The following CNTNAP5 variants were observed in gnomAD, a reference collection of about 807,000 sequenced individuals.
CNTNAP5 encodes the protein contactin associated protein family member 5.
Under a neutral mutation model 150.2 loss-of-function variants are expected in CNTNAP5, and 72 were observed. The observed-to-expected ratio is 0.48, with a 90% CI of 0.40 to 0.58. The LOEUF is 0.58. Ranked by LOEUF, CNTNAP5 falls within the 20% of genes least tolerant of loss-of-function variation. CNTNAP5 has a pLI of 0.00. For missense variants in CNTNAP5, 1,636 were observed against 1,626.2 expected (o/e 1.01, Z -0.10); for synonymous variants, 672 against 619.8 (o/e 1.08, Z -1.25).
chr2:124,416,771 C>A (rs935081199), intron 3 of CNTNAP5, among the ~76,000 whole-genome samples: 6 of 151,924 alleles, frequency 3.9e-5, no homozygotes, highest in Non-Finnish European at 8.8e-5. Flanking sequence ...TCAATAAAAT[C>A]CTTTCCTTCT....
At chr2:124,149,403 CAAAA>C (rs71394025) in intron 1 of CNTNAP5, among the ~76,000 whole-genome samples, 9,604 of 82,786 alleles carry the variant, frequency 0.12, 345 homozygotes, top group East Asian at 0.35. Context: ...GCGTCAATTG[CAAAA>C]AAAAAAAAAA....
intron 3 of CNTNAP5, among the ~76,000 whole-genome samples, chr2:124,248,240 G>A (rs1183052515): frequency 6.6e-6 from 1 of 152,154 alleles, no homozygotes; most frequent in Non-Finnish European, 1.5e-5. Flanking sequence ...CCAGGGCAGG[G>A]ATATATCTAG....
chr2:124,088,754 T>C (rs988880372), intron 1 of CNTNAP5, among the ~76,000 whole-genome samples: 5 of 152,170 alleles, frequency 3.3e-5, no homozygotes, highest in African/African-American at 1.2e-4. Flanking sequence ...GCCCTGGAAC[T>C]GTCTGTAGGG....
chr2:124,738,761 G>A (rs1167519995), intron 13 of CNTNAP5, among the ~76,000 whole-genome samples: 20 of 151,096 alleles, frequency 1.3e-4, no homozygotes, highest in Non-Finnish European at 1.0e-4. Context: ...AAAGAAAAAA[G>A]AAAGTATCAA....
At chr2:124,319,918 T>A (rs1178470076) in intron 3 of CNTNAP5, among the ~76,000 whole-genome samples, 2 of 152,240 alleles carry the variant, frequency 1.3e-5, no homozygotes, top group Non-Finnish European at 2.9e-5. Flanking sequence ...TTAAAAGGCA[T>A]GCATAGAATT....
At chr2:124,866,192 G>A (rs541989798) in intron 20 of CNTNAP5, among the ~76,000 whole-genome samples, 29 of 150,288 alleles carry the variant, frequency 1.9e-4, no homozygotes, top group East Asian at 1.0e-3. Context: ...ACTGGGAGGC[G>A]GAGGTTGCAG....
intron 3 of CNTNAP5, among the ~76,000 whole-genome samples, chr2:124,319,750 G>A (rs1371755413): frequency 6.6e-6 from 1 of 152,042 alleles, no homozygotes; most frequent in African/African-American, 2.4e-5. Flanking sequence ...GATGCCAGTA[G>A]CACCTTTCCC....
In CNTNAP5 at chr2:124,025,476, C is replaced by T; in HGVS notation, c.-175C>T. 2 of 617,500 alleles carry T rather than the reference C, an allele frequency of 3.2e-6. No homozygotes were observed. Among genetic ancestry groups the T allele is most frequent in the Non-Finnish European group, 5.8e-6 (2 of 343,484 alleles). 38.3% of individuals were successfully genotyped at this position (617,500 alleles called of 1,614,324 possible). On this transcript the variant is annotated 5_prime_UTR_variant, in exon 1 of 24. Transcript: ENST00000682447. Reference sequence around the variant, plus strand: ...CCCAGCTGCAGCTCCGAAGAATCCCCCGCCACGGTTTCGGTGGAGCGTCTG... The same window carrying T: ...CCCAGCTGCAGCTCCGAAGAATCCCTCGCCACGGTTTCGGTGGAGCGTCTG...
At position 124,097,746 on chromosome 2, in the gene CNTNAP5, C is replaced by T. The variant is rs555565853; in HGVS notation, c.82+72014C>T. On this transcript the variant is annotated intron_variant, in intron 1 of 23. Transcript: ENST00000682447. ...AAATTCACACATAAATTTTGACTTC[C>T]GGCCAGGCGCAGTGGCTCACGCCTG... Among the ~76,000 whole-genome samples, 326 of 152,124 alleles carry T rather than the reference C, an allele frequency of 2.1e-3. 1 individual carries two copies. The highest frequency in any genetic ancestry group is 2.4e-3 in the Admixed American group (36 of 15,292).
At chr2:124,334,383 G>GT (rs1336770220) in intron 3 of CNTNAP5, among the ~76,000 whole-genome samples, 1 of 152,072 alleles carries the variant, frequency 6.6e-6, no homozygotes, top group African/African-American at 2.4e-5. Flanking sequence ...CAGCTTGGGA[G>GT]TTTTTCAGAA....
Position 124,465,407 on chromosome 2 carries a change from A to G in CNTNAP5, c.919-9332A>G, listed in dbSNP as rs895326990. On this transcript the variant is annotated intron_variant, in intron 6 of 23. Coordinates refer to ENST00000682447, the MANE Select transcript of CNTNAP5 (RefSeq NM_001367498.1). ...ACACCATTCAATGACCACTAAGATC[A>G]ATGAAAGGCACTCATTCAATATGCC... Among the ~76,000 whole-genome samples the G allele has an allele frequency of 5.3e-5, 8 of 150,118 alleles. No individual in the cohort carries two copies. The South Asian group carries it at 8.6e-4, about 16-fold the overall frequency.
At chr2:124,336,698 A>G (rs1173062924) in intron 3 of CNTNAP5, among the ~76,000 whole-genome samples, 2 of 152,038 alleles carry the variant, frequency 1.3e-5, no homozygotes, top group Non-Finnish European at 1.5e-5. Context: ...TGCAAAGGAC[A>G]TGAACTCATC....
intron 18 of CNTNAP5, among the ~76,000 whole-genome samples, chr2:124,794,354 G>C (rs1681799546): frequency 6.6e-6 from 1 of 152,176 alleles, no homozygotes; most frequent in Non-Finnish European, 1.5e-5. Flanking sequence ...CTCTTTCACA[G>C]GGAGTCGTGT....
At chr2:124,610,777 G>A (rs1259688283) in intron 12 of CNTNAP5, among the ~76,000 whole-genome samples, 2 of 152,038 alleles carry the variant, frequency 1.3e-5, no homozygotes, top group Admixed American at 1.3e-4. Context: ...TGGCCAACAC[G>A]GTGAAACCCT....
intron 3 of CNTNAP5, among the ~76,000 whole-genome samples, chr2:124,279,366 T>A (rs1687960695): frequency 6.6e-6 from 1 of 151,970 alleles, no homozygotes; most frequent in Non-Finnish European, 1.5e-5. Context: ...ATAATTTGCA[T>A]ATGGAATGAA....
intron 3 of CNTNAP5, among the ~76,000 whole-genome samples, chr2:124,296,986 G>A (rs531891390): frequency 1.3e-5 from 2 of 152,258 alleles, no homozygotes; most frequent in East Asian, 1.9e-4. Context: ...GCTCTCTGGG[G>A]CAGCTCCTTT....
At chr2:124,829,967 A>C (rs1363224341) in intron 19 of CNTNAP5, among the ~76,000 whole-genome samples, 1 of 151,600 alleles carries the variant, frequency 6.6e-6, no homozygotes, top group Non-Finnish European at 1.5e-5. Flanking sequence ...ACATTTATAA[A>C]AATATAATTT....
At chr2:124,658,896 G>T (rs1678515552) in intron 13 of CNTNAP5, among the ~76,000 whole-genome samples, 1 of 152,298 alleles carries the variant, frequency 6.6e-6, no homozygotes, top group Middle Eastern at 3.4e-3. Context: ...GGGGGCCATG[G>T]CTAGATACTA....
chr2:124,711,978 C>T (rs1178766211), intron 13 of CNTNAP5, among the ~76,000 whole-genome samples: 1 of 152,146 alleles, frequency 6.6e-6, no homozygotes, highest in Non-Finnish European at 1.5e-5. Flanking sequence ...GATCCAGCAT[C>T]TCAACAGAAA....
Sources: allele counts gnomAD v4.1 joint callset (sites outside exome capture counted in the v4.1 genomes callset), GRCh38; gene constraint gnomAD v4.1.1; transcripts MANE v1.5; gene names NCBI Gene and HGNC (gene_info 2026-07-23, HGNC 2026-07-21).